NUP210L: variants seen among roughly 807,000 people sequenced by gnomAD.
NUP210L encodes the protein nuclear pore membrane glycoprotein 210-like.
NUP210L carries 74 observed loss-of-function variants against 208.5 expected under a neutral mutation model. That is an observed-to-expected ratio of 0.35 (90% CI 0.29 to 0.43). The LOEUF (loss-of-function observed/expected upper bound fraction) is 0.43, where lower values mean the gene tolerates loss of function less well. Among genes scored for constraint, NUP210L ranks in the 20% least tolerant of loss-of-function variants. The pLI is 1.00. For missense variants in NUP210L, 1,843 were observed against 2,289.4 expected, an observed-to-expected ratio of 0.81 and a Z score of 3.98; for synonymous variants, 780 against 816.9, an observed-to-expected ratio of 0.95 and a Z score of 0.77.
At chr1:154,153,603 C>A (rs1659518114) in intron 1 of NUP210L, among the ~76,000 whole-genome samples, 1 of 152,160 alleles carries the variant, frequency 6.6e-6, no homozygotes, top group Admixed American at 6.5e-5. Context: ...AGCCACTGCG[C>A]CCGGCCGAAT....
chr1:154,015,960 A>T (rs180819988), intron 33 of NUP210L, among the ~76,000 whole-genome samples: 90 of 150,904 alleles, frequency 6.0e-4, no homozygotes, highest in Non-Finnish European at 1.0e-3. Flanking sequence ...AAATAAAAAT[A>T]AAAAAAATAG....
intron 33 of NUP210L, among the ~76,000 whole-genome samples, chr1:154,013,519 A>G (rs1651067062): frequency 6.6e-6 from 1 of 152,048 alleles, no homozygotes; most frequent in African/African-American, 2.4e-5. Context: ...GTCTGCAGTG[A>G]GCTGAGATTG....
chr1:154,023,145 G>C (rs1450329417), exon 31 of NUP210L: 4 of 1,613,868 alleles, frequency 2.5e-6, no homozygotes, highest in Non-Finnish European at 3.4e-6. Context: ...GATAAAGCTG[G>C]GTATTGTGTG....
intron 12 of NUP210L, among the ~76,000 whole-genome samples, chr1:154,107,423 G>C (rs1391234085): frequency 6.7e-6 from 1 of 149,188 alleles, no homozygotes; most frequent in Non-Finnish European, 1.5e-5. Flanking sequence ...GCAGTGAGCT[G>C]AGATTGCACC....
rs148105104 is a variant in NUP210L at position 154,060,714 on chromosome 1, C to A, written c.2749-73G>T. The stretch of plus-strand genomic sequence containing the variant: ...ATAGCTCAAAGGAAATAATTTCTAC[C>A]TACCTAAGAAAGAATATGGGATAAA... On this transcript the variant is annotated intron_variant, in intron 19 of 39. Transcript: ENST00000368559. The A allele has an allele frequency of 3.7e-4, 372 of 1,016,668 alleles. 1 individual carries two copies. In the African/African-American group the frequency reaches 5.0e-3, roughly 14 times the overall value. The allele number at this position is 1,016,668 out of a possible 1,614,324, so 63.0% of individuals were successfully genotyped here. A position where few individuals can be genotyped will look rare whatever the true frequency, so the allele number is the denominator to read the frequency against.
At chr1:154,083,433 T>C (rs534625644) in intron 16 of NUP210L, among the ~76,000 whole-genome samples, 1 of 152,238 alleles carries the variant, frequency 6.6e-6, no homozygotes, top group South Asian at 2.1e-4. Flanking sequence ...GCAAATTAAT[T>C]GAACCCAAAG....
exon 33 of NUP210L, chr1:154,018,994 C>T (rs1237797307): frequency 6.2e-7 from 1 of 1,614,088 alleles, no homozygotes; most frequent in Admixed American, 1.7e-5. Flanking sequence ...CCCCGGACTC[C>T]TGGCCACTCC....
At chr1:154,042,265 A>C (rs1178578763) in intron 27 of NUP210L, among the ~76,000 whole-genome samples, 1 of 151,928 alleles carries the variant, frequency 6.6e-6, no homozygotes, top group Non-Finnish European at 1.5e-5. Flanking sequence ...ATGCCTGGCT[A>C]ATCTCATGTG....
At chr1:154,010,203 G>T in intron 34 of NUP210L, 82 bp from the exon 35 acceptor site, 2 of 1,325,108 alleles carry the variant, frequency 1.5e-6, no homozygotes, top group Non-Finnish European at 2.1e-6. Flanking sequence ...AGGCAATTTT[G>T]AAGCATAAAA....
intron 33 of NUP210L, 101 bp downstream of exon 33, chr1:154,018,832 A>G: frequency 7.5e-7 from 1 of 1,340,786 alleles, no homozygotes; most frequent in Non-Finnish European, 1.0e-6. Flanking sequence ...TATCTGTTTT[A>G]TGAGTGTATT....
chr1:154,115,948 G>A (rs1490156050), intron 12 of NUP210L, among the ~76,000 whole-genome samples: 2 of 151,890 alleles, frequency 1.3e-5, no homozygotes, highest in Non-Finnish European at 2.9e-5. Flanking sequence ...GTGAAACCCC[G>A]TCTCTACTGA....
At chr1:154,036,609 C>A (rs1652569295) in intron 27 of NUP210L, among the ~76,000 whole-genome samples, 1 of 151,944 alleles carries the variant, frequency 6.6e-6, no homozygotes, top group South Asian at 2.1e-4. Context: ...AAGTGATCCA[C>A]CCACCTTGGC....
At chr1:154,094,894 T>A (rs769206647) in intron 15 of NUP210L, 41 bp downstream of exon 15, 2 of 1,431,740 alleles carry the variant, frequency 1.4e-6, no homozygotes, top group East Asian at 4.6e-5. Context: ...GGATTTGGAG[T>A]ATTACACTAA....
chr1:153,994,210 GA>G (rs1298305976), intron 38 of NUP210L, among the ~76,000 whole-genome samples: 2 of 152,088 alleles, frequency 1.3e-5, no homozygotes, highest in Non-Finnish European at 2.9e-5. Context: ...CCCTAACTAT[GA>G]ATTTCAGCAA....
At chr1:154,131,885 A>G (rs1379927868) in intron 7 of NUP210L, among the ~76,000 whole-genome samples, 1 of 152,040 alleles carries the variant, frequency 6.6e-6, no homozygotes, top group Non-Finnish European at 1.5e-5. Flanking sequence ...GCTCACTGCA[A>G]CTTCTGCCTC....
intron 15 of NUP210L, among the ~76,000 whole-genome samples, chr1:154,091,570 G>T (rs745740407): frequency 1.4e-5 from 2 of 144,248 alleles, no homozygotes; most frequent in African/African-American, 5.2e-5. Context: ...GCATGATCTC[G>T]GCTCACTGCA....
At chr1:154,124,763 G>T (rs1657795250) in intron 10 of NUP210L, among the ~76,000 whole-genome samples, 2 of 152,126 alleles carry the variant, frequency 1.3e-5, no homozygotes, top group South Asian at 4.2e-4. Flanking sequence ...ACCATTGTGG[G>T]CAACATAGCA....
At chr1:154,057,835 C>G (rs1394165068) in intron 22 of NUP210L, among the ~76,000 whole-genome samples, 1 of 151,796 alleles carries the variant, frequency 6.6e-6, no homozygotes, top group African/African-American at 2.4e-5. Context: ...CCTCCAACTC[C>G]TAGGCTCAAG....
At chr1:154,121,760 G>A (rs552336145) in intron 10 of NUP210L, among the ~76,000 whole-genome samples, 21 of 151,718 alleles carry the variant, frequency 1.4e-4, no homozygotes, top group East Asian at 1.4e-3. Context: ...CCAGCTACTC[G>A]GGAGGCTGAG....
Sources: allele counts gnomAD v4.1 joint callset (sites outside exome capture counted in the v4.1 genomes callset), GRCh38; gene constraint gnomAD v4.1.1; transcripts MANE v1.5; gene names NCBI Gene and HGNC (gene_info 2026-07-23, HGNC 2026-07-21).